The following TGFB1 variants were observed in gnomAD, a reference collection of about 807,000 sequenced individuals.
TGFB1 encodes transforming growth factor beta-1 proprotein.
In TGFB1, 19 loss-of-function variants were observed where a neutral mutation model predicts 43.8. The observed-to-expected ratio is 0.43, with a 90% confidence interval of 0.30 to 0.64. The LOEUF is 0.64. Ranked by LOEUF, TGFB1 falls within the 30% of genes least tolerant of loss-of-function variation. TGFB1 has a pLI of 0.11. For missense variants in TGFB1, 445 were observed against 529.8 expected, an observed-to-expected ratio of 0.84 and a Z score of 1.57; for synonymous variants, 221 against 236.3, an observed-to-expected ratio of 0.94 and a Z score of 0.60.
chr19:41,333,971 AC>A (rs1181878071), intron 5 of TGFB1, among the ~76,000 whole-genome samples: 1 of 152,272 alleles, frequency 6.6e-6, no homozygotes, highest in African/African-American at 2.4e-5. Context: ...GCTTTTGTAT[AC>A]ATTTGAAATT....
At chr19:41,351,566 A>T (rs2038195202) in intron 1 of TGFB1, among the ~76,000 whole-genome samples, 1 of 152,170 alleles carries the variant, frequency 6.6e-6, no homozygotes, top group African/African-American at 2.4e-5. Flanking sequence ...GGGTTTCCCC[A>T]GCCACCCTGA....
At chr19:41,331,630 TCTCGAA>T (rs1470205165) in intron 6 of TGFB1, among the ~76,000 whole-genome samples, 4 of 140,308 alleles carry the variant, frequency 2.9e-5, no homozygotes, top group Non-Finnish European at 4.6e-5. Flanking sequence ...CCTGGGCTAC[TCTCGAA>T]CTCCTGGGCT....
At position 41,330,843 on chromosome 19, in the gene TGFB1, AG is replaced by A; in HGVS notation, c.*208del. 1.9e-6 allele frequency: 1 copy of A among 520,084 alleles called. No homozygotes were observed. Among genetic ancestry groups the A allele is most frequent in the Non-Finnish European group, 3.4e-6 (1 of 293,982 alleles). 32.2% of individuals were successfully genotyped at this position (520,084 alleles called of 1,614,324 possible). ...CAGGAGGAGGCAGAGAGGGAGAGAG[AG>A]GGAGTGGGAGTGGGGGAACGTCAGG... is the stretch of plus-strand genomic sequence containing the variant. On this transcript the variant is annotated 3_prime_UTR_variant, in exon 7 of 7. Transcript: ENST00000221930.
intron 3 of TGFB1, among the ~76,000 whole-genome samples, chr19:41,343,271 A>C (rs887332562): frequency 1.3e-5 from 2 of 151,780 alleles, no homozygotes; most frequent in Non-Finnish European, 2.9e-5. Flanking sequence ...AGTAGCTGGG[A>C]TTACAGGCAT....
At chr19:41,331,669 G>A (rs1413083424) in intron 6 of TGFB1, among the ~76,000 whole-genome samples, 3 of 144,912 alleles carry the variant, frequency 2.1e-5, no homozygotes, top group African/African-American at 7.8e-5. Flanking sequence ...CTGCTTCAGC[G>A]TCCCAAAGTG....
At chr19:41,331,364 T>A (rs1323272759) in intron 6 of TGFB1, among the ~76,000 whole-genome samples, 154 bp from the exon 7 acceptor site, 1 of 152,060 alleles carries the variant, frequency 6.6e-6, no homozygotes, top group African/African-American at 2.4e-5. Context: ...CTCTCTTATC[T>A]TCTAACATCC....
At chr19:41,346,682 C>T (rs1289162535) in intron 2 of TGFB1, among the ~76,000 whole-genome samples, 1 of 152,138 alleles carries the variant, frequency 6.6e-6, no homozygotes, top group Non-Finnish European at 1.5e-5. Context: ...CCACATGTGA[C>T]TATAGAGTAC....
chr19:41,332,348 T>G (rs2037943026), intron 5 of TGFB1, 67 bp from the exon 6 acceptor site: 1 of 1,554,974 alleles, frequency 6.4e-7, no homozygotes, highest in Non-Finnish European at 8.7e-7. Context: ...ATGCCCCTCC[T>G]CCCCAGGTGC....
In TGFB1 at chr19:41,330,683, T is replaced by C. The variant is rs1568473668; in HGVS notation, c.*369A>G. 2.0e-5 allele frequency: 4 copies of C among 195,396 alleles called. No individual in the cohort carries two copies. The highest frequency in any genetic ancestry group is 7.1e-5 in the African/African-American group (3 of 42,404). 12.1% of individuals were successfully genotyped at this position (195,396 alleles called of 1,614,324 possible). On this transcript the variant is annotated 3_prime_UTR_variant, in exon 7 of 7. Transcript: ENST00000221930. ...GTCCCTGCATCTCAGAGTGTTGCTA[T>C]GGTGACTGAATGAGTTCATTAATGT... is the stretch of plus-strand genomic sequence containing the variant.
At chr19:41,348,211 C>T in intron 2 of TGFB1, 84 bp downstream of exon 2, 1 of 1,545,548 alleles carries the variant, frequency 6.5e-7, no homozygotes, top group Non-Finnish European at 8.9e-7. Context: ...GACCTTGTAA[C>T]CAGCCGACCC....
At position 41,332,129 on chromosome 19, in the gene TGFB1, T is replaced by G. The variant is rs2037939146; in HGVS notation, c.1013A>C (p.Lys338Thr). Residue 338 changes from lysine (K) to threonine (T), a missense_variant and splice_region_variant, in exon 6 of 7, where the codon AAG becomes ACG. Lys to Thr is a moderately conservative substitution (Grantham distance 78). Transcript: ENST00000221930. ...CGTAGCCCGGTGGGCCAGACGTACC[T>G]TGCTGTACTGCGTGTCCAGGCTCCA... is the stretch of plus-strand genomic sequence containing the variant. The part of the protein sequence containing the change: ...YIWSLDTQYS[K>T]VLALYNQHNP... 1 of 1,613,498 alleles carries G rather than the reference T, an allele frequency of 6.2e-7. No individual in the cohort carries two copies. The highest frequency in any genetic ancestry group is 1.7e-5 in the Admixed American group (1 of 59,994).
intron 6 of TGFB1, 72 bp from the exon 7 acceptor site, chr19:41,331,282 CCCACCCG>C: frequency 7.0e-7 from 1 of 1,425,348 alleles, no homozygotes; most frequent in Non-Finnish European, 9.2e-7. Flanking sequence ...TGCCCCATCC[CCCACCCG>C]CTACCGCGCC....
intron 5 of TGFB1, 76 bp from the exon 6 acceptor site, chr19:41,332,357 G>A: frequency 1.9e-6 from 3 of 1,540,068 alleles, no homozygotes; most frequent in African/African-American, 2.7e-5. Context: ...CTCCCCAGGT[G>A]CGTGTGTCAC....
At chr19:41,345,281 G>C (rs8102501) in intron 2 of TGFB1, among the ~76,000 whole-genome samples, 11,175 of 152,112 alleles carry the variant, frequency 0.073, 460 homozygotes, top group African/African-American at 0.1. Context: ...TGGATCACTT[G>C]AGGTCAGGAG....
At chr19:41,348,646 G>A (rs559364794) in intron 1 of TGFB1, among the ~76,000 whole-genome samples, 191 bp from the exon 2 acceptor site, 120 of 142,448 alleles carry the variant, frequency 8.4e-4, no homozygotes, top group African/African-American at 2.9e-3. Flanking sequence ...TTTTTGAGAC[G>A]GAGACTCGCT....
At position 41,341,868 on chromosome 19, in the gene TGFB1, G is replaced by A. The variant is rs1436964791; in HGVS notation, c.860+15C>T. The A allele has an allele frequency of 1.9e-6, 3 of 1,612,832 alleles. No homozygotes were observed. The highest frequency in any genetic ancestry group is 2.5e-6 in the Non-Finnish European group (3 of 1,179,874). ...CCCCAGCCTGGAAGGCCTCCATCCA[G>A]GCTACAAGGCTCACCTGAAGCAATA... On this transcript the variant is annotated intron_variant, in intron 5 of 6. Coordinates refer to ENST00000221930, the MANE Select transcript of TGFB1 (RefSeq NM_000660.7).
chr19:41,331,019 G>C lies in TGFB1; in HGVS notation c.*33C>G. 1 of 1,396,536 alleles carries C rather than the reference G, an allele frequency of 7.2e-7. No homozygotes were observed. The highest frequency in any genetic ancestry group is 9.3e-7 in the Non-Finnish European group (1 of 1,073,606). 86.5% of individuals were successfully genotyped at this position (1,396,536 alleles called of 1,614,324 possible). On this transcript the variant is annotated 3_prime_UTR_variant, in exon 7 of 7. Coordinates refer to ENST00000221930, the MANE Select transcript of TGFB1 (RefSeq NM_000660.7). ...CGGGGGCGGGGCGGGGTGGGGCCGG[G>C]CCTGCCGGGGCGGGGCGGGGCGGGG...
chr19:41,342,723 C>T (rs2038072908), intron 3 of TGFB1, among the ~76,000 whole-genome samples: 1 of 152,140 alleles, frequency 6.6e-6, no homozygotes. Flanking sequence ...ACCATGCTGG[C>T]CAGGCTGGTC....
At chr19:41,348,186 G>A in intron 2 of TGFB1, 109 bp downstream of exon 2, 1 of 1,273,892 alleles carries the variant, frequency 7.8e-7, no homozygotes, top group Non-Finnish European at 1.1e-6. Flanking sequence ...CTATCCTTCA[G>A]GGACCATCTA....
Sources: gnomAD v4.1 joint callset for allele counts (sites outside exome capture counted in the v4.1 genomes callset) on GRCh38, gnomAD v4.1.1 for gene constraint, MANE v1.5 for transcripts, NCBI Gene and HGNC (gene_info 2026-07-23, HGNC 2026-07-21) for gene names.